TDRD1: variants seen among roughly 807,000 people sequenced by gnomAD.
TDRD1 encodes the protein tudor domain-containing protein 1.
Under a neutral mutation model 140.6 loss-of-function variants are expected in TDRD1, and 37 were observed. The observed-to-expected ratio is 0.26, with a 90% CI of 0.20 to 0.35. The LOEUF is 0.35. Ranked by LOEUF, TDRD1 falls within the 10% of genes least tolerant of loss-of-function variation. The probability of loss-of-function intolerance (pLI) is 1.00; values close to 1 mark genes in which losing one functional copy is unlikely to be tolerated. For synonymous variants in TDRD1, 506 were observed against 475.7 expected, an observed-to-expected ratio of 1.06 and a Z score of -0.83; for missense variants, 1,243 against 1,393.0, an observed-to-expected ratio of 0.89 and a Z score of 1.71.
rs201661305 is a variant in TDRD1, at chr10:114,212,066, T to C, written c.1831+30T>C. On this transcript the variant is annotated intron_variant, in intron 14 of 25. Transcript: ENST00000251864. ...GAAATTTTTATAGCCTCCATATTCT[T>C]TAAAAATTCTACAGATGAAGAAACA... 116 of 1,549,194 alleles carry C rather than the reference T, an allele frequency of 7.5e-5. 1 individual carries two copies. The African/African-American group carries it at 1.5e-3, about 21-fold the overall frequency.
chr10:114,193,289 C>CTTTT (rs1170053036), intron 3 of TDRD1, among the ~76,000 whole-genome samples: 3,785 of 83,572 alleles, frequency 0.045, 179 homozygotes, highest in Non-Finnish European at 0.061. Flanking sequence ...TTGCTGAAGT[C>CTTTT]TTTTTTTTTT....
intron 14 of TDRD1, 66 bp from the exon 15 acceptor site, chr10:114,213,280 A>T: frequency 6.7e-7 from 1 of 1,482,866 alleles, no homozygotes; most frequent in East Asian, 2.3e-5. Context: ...CCTTGGGGGA[A>T]ATTAGGAGCT....
exon 2 of TDRD1, chr10:114,188,035 G>A (rs773986153): frequency 6.2e-7 from 1 of 1,613,912 alleles, no homozygotes; most frequent in Non-Finnish European, 8.5e-7. Flanking sequence ...ACAATTTTTT[G>A]CTTTGTGAGC....
chr10:114,200,665 A>C (rs1356339174), intron 4 of TDRD1, among the ~76,000 whole-genome samples: 1 of 152,018 alleles, frequency 6.6e-6, no homozygotes. Context: ...CTGGGACTAC[A>C]GGTGCGCACC....
chr10:114,203,617 C>G (rs368580757), intron 8 of TDRD1, 50 bp downstream of exon 8: 1 of 1,507,052 alleles, frequency 6.6e-7, no homozygotes, highest in Non-Finnish European at 9.0e-7. Flanking sequence ...TAACTTTGGT[C>G]GTATGAACTG....
chr10:114,186,359 G>A (rs547243119), intron 1 of TDRD1, among the ~76,000 whole-genome samples: 10 of 152,158 alleles, frequency 6.6e-5, no homozygotes, highest in Admixed American at 2.0e-4. Flanking sequence ...CGCCTCCTGA[G>A]TTCATGCCAT....
At chr10:114,198,296 T>A (rs1254306816) in intron 3 of TDRD1, among the ~76,000 whole-genome samples, 1 of 152,164 alleles carries the variant, frequency 6.6e-6, no homozygotes, top group Non-Finnish European at 1.5e-5. Context: ...CACTATGCCT[T>A]TTCTGACACC....
chr10:114,186,404 C>T (rs113150225), intron 1 of TDRD1, among the ~76,000 whole-genome samples: 1,601 of 152,194 alleles, frequency 0.011, 20 homozygotes, highest in African/African-American at 0.037. Flanking sequence ...GCTGGGACTA[C>T]AGGCACCCGC....
chr10:114,199,158 C>G lies in TDRD1; in HGVS notation c.385-15C>G. The G allele has an allele frequency of 6.2e-7, 1 of 1,603,438 alleles. No homozygotes were observed. The highest frequency in any genetic ancestry group is 1.8e-5 in the Admixed American group (1 of 57,126). ...ATTGCCAAATTCTAACATTGCTCTT[C>G]TTTGTTCTTAATAGAAGCCTGGAAA... On this transcript the variant is annotated splice_polypyrimidine_tract_variant and intron_variant, in intron 3 of 25. Coordinates refer to ENST00000251864, the Ensembl canonical transcript of TDRD1.
At chr10:114,211,074 G>A in intron 13 of TDRD1, 107 bp downstream of exon 13, 1 of 819,160 alleles carries the variant, frequency 1.2e-6, no homozygotes. Context: ...CTGATGGCTG[G>A]ATTTAAAGCT....
At chr10:114,194,750 G>T (rs1338706823) in intron 3 of TDRD1, among the ~76,000 whole-genome samples, 4 of 143,478 alleles carry the variant, frequency 2.8e-5, no homozygotes, top group Non-Finnish European at 6.1e-5. Flanking sequence ...TTTAGTGGTT[G>T]GTTGTTGGTT....
chr10:114,198,203 C>T (rs758150580), intron 3 of TDRD1, among the ~76,000 whole-genome samples: 2 of 152,186 alleles, frequency 1.3e-5, no homozygotes, highest in Admixed American at 6.5e-5. Flanking sequence ...TCTAGTGACA[C>T]GGGTGGAGAG....
rs781356759 is a variant in TDRD1, at chr10:114,227,319, T to G, written c.3403+20T>G. 1.2e-5 allele frequency: 18 copies of G among 1,511,434 alleles called. No individual in the cohort carries two copies. Among genetic ancestry groups the G allele is most frequent in the Non-Finnish European group, 1.7e-5 (18 of 1,087,172 alleles). The allele number at this position is 1,511,434 out of a possible 1,614,324, so 93.6% of individuals were successfully genotyped here. ...ATACAGGTATTCTTTTCAAGTGTTA[T>G]TAATAACAGATGTTAAGTGTGAGGA... On this transcript the variant is annotated intron_variant, in intron 23 of 25. Coordinates refer to ENST00000251864, the Ensembl canonical transcript of TDRD1.
chr10:114,231,446 G>A, intron 25 of TDRD1: 1 of 1,544,326 alleles, frequency 6.5e-7, no homozygotes, highest in Non-Finnish European at 8.8e-7. Context: ...TTGAGTTTTT[G>A]TGTAAGGCAT....
intron 11 of TDRD1, among the ~76,000 whole-genome samples, chr10:114,207,889 C>T (rs190532741): frequency 1.3e-5 from 2 of 151,754 alleles, no homozygotes; most frequent in East Asian, 3.9e-4. Flanking sequence ...AGGCTAAGGC[C>T]AGTACAGACA....
At chr10:114,202,094 G>A in intron 5 of TDRD1, 144 bp from the exon 6 acceptor site, 1 of 634,936 alleles carries the variant, frequency 1.6e-6, no homozygotes, top group Non-Finnish European at 2.7e-6. Flanking sequence ...GCACTGGGGA[G>A]TTTTACATTA....
At position 114,227,093 on chromosome 10, in the gene TDRD1, G is replaced by A. The variant is rs116029377; in HGVS notation, c.3197G>A (p.Ser1066Asn). The A allele has an allele frequency of 3.6e-4, 568 of 1,557,506 alleles. 1 individual carries two copies. The African/African-American group carries it at 6.6e-3, about 18-fold the overall frequency. ...CCAGGATTAATGGAATTGAATGGAAGCTCTTCTCAATTAATAATAATGCTA... is the reference window on the plus strand; with the variant it reads ...CCAGGATTAATGGAATTGAATGGAAACTCTTCTCAATTAATAATAATGCTA... The change falls in exon 23 of 26, where the codon AGC becomes AAC. Residue 1066 changes from serine (S) to asparagine (N), a missense_variant. By Grantham distance (46) the Ser-to-Asn change is conservative. Transcript: ENST00000251864.
intron 1 of TDRD1, among the ~76,000 whole-genome samples, chr10:114,180,880 A>G (rs930120222): frequency 7.2e-5 from 11 of 152,240 alleles, no homozygotes; most frequent in Non-Finnish European, 1.5e-4. Flanking sequence ...CTGTGCATAC[A>G]CTTTTGTTGT....
chr10:114,217,489 T>C, intron 16 of TDRD1, 56 bp from the exon 17 acceptor site: 1 of 966,842 alleles, frequency 1.0e-6, no homozygotes, highest in South Asian at 1.6e-5. Context: ...AAGGAAAATC[T>C]GTGTTGTTTA....
Sources: allele counts gnomAD v4.1 joint callset (sites outside exome capture counted in the v4.1 genomes callset), GRCh38; gene constraint gnomAD v4.1.1; transcripts MANE v1.5; gene names NCBI Gene and HGNC (gene_info 2026-07-23, HGNC 2026-07-21).